RPGRIP1L: variants seen among roughly 807,000 people sequenced by gnomAD.
RPGRIP1L encodes protein fantom.
A neutral mutation model predicts 160.4 loss-of-function variants in RPGRIP1L; 131 were observed. That is an observed-to-expected ratio of 0.82 (90% confidence interval 0.71 to 0.94). The LOEUF is 0.94. RPGRIP1L is among the 40% of genes least tolerant of loss of function. RPGRIP1L has a pLI of 0.00. For synonymous variants in RPGRIP1L, 510 were observed against 515.8 expected, an observed-to-expected ratio of 0.99 and a Z score of 0.15; for missense variants, 1,522 against 1,535.8, an observed-to-expected ratio of 0.99 and a Z score of 0.15.
rs745815763 is a variant in RPGRIP1L at position 53,641,482 on chromosome 16, A to G, written c.2684-7T>C. 32 of 1,608,394 alleles carry G rather than the reference A, an allele frequency of 2.0e-5. No individual in the cohort carries two copies. The highest frequency in any genetic ancestry group is 2.7e-5 in the Non-Finnish European group (32 of 1,174,984). ...TCTGTTAACTCAAATATTCCTGTCA[A>G]ATTACAATAATTTTAATTAATGCTA... On this transcript the variant is annotated splice_polypyrimidine_tract_variant and splice_region_variant and intron_variant, in intron 17 of 26. Coordinates refer to ENST00000647211, the MANE Select transcript of RPGRIP1L (RefSeq NM_015272.5).
Position 53,601,960 on chromosome 16 carries a change from C to T in RPGRIP1L, c.*116G>A. ...CACTTCAAACCCAGGTCTCCCCGCT[C>T]CCAGCTTCCCATGAATTATAGATTA... On this transcript the variant is annotated 3_prime_UTR_variant, in exon 27 of 27. Transcript: ENST00000647211. 1.4e-6 allele frequency: 1 copy of T among 720,332 alleles called. No individual in the cohort carries two copies. The allele number at this position is 720,332 out of a possible 1,614,324, so 44.6% of individuals were successfully genotyped here.
At chr16:53,648,931 T>A (rs1468030432) in intron 16 of RPGRIP1L, 33 bp downstream of exon 16, 1 of 1,588,086 alleles carries the variant, frequency 6.3e-7, no homozygotes, top group African/African-American at 1.3e-5. Flanking sequence ...AATTTCTATG[T>A]CATAAAAGGG....
intron 20 of RPGRIP1L, 114 bp downstream of exon 20, chr16:53,638,196 A>T: frequency 1.4e-6 from 1 of 717,782 alleles, no homozygotes; most frequent in Admixed American, 2.2e-5. Flanking sequence ...CAAGGAAGTC[A>T]TATATAAAAA....
At chr16:53,666,694 A>C (rs765555229) in intron 9 of RPGRIP1L, among the ~76,000 whole-genome samples, 21 of 152,244 alleles carry the variant, frequency 1.4e-4, no homozygotes, top group Middle Eastern at 3.4e-3. Context: ...AAATAGGCAC[A>C]ACATACATTA....
intron 22 of RPGRIP1L, among the ~76,000 whole-genome samples, chr16:53,622,725 A>G (rs1476453105): frequency 6.6e-6 from 1 of 151,930 alleles, no homozygotes; most frequent in Non-Finnish European, 1.5e-5. Context: ...GGAGCCCAAG[A>G]GCCCAGGAGT....
chr16:53,692,830 A>C (rs1470781264), intron 3 of RPGRIP1L, among the ~76,000 whole-genome samples: 1 of 152,208 alleles, frequency 6.6e-6, no homozygotes, highest in Non-Finnish European at 1.5e-5. Flanking sequence ...ACACACTATA[A>C]ATATAAAAAT....
chr16:53,640,367 C>A (rs1966127757), intron 19 of RPGRIP1L, among the ~76,000 whole-genome samples: 1 of 152,010 alleles, frequency 6.6e-6, no homozygotes, highest in Admixed American at 6.6e-5. Context: ...GAGGTCTAGA[C>A]TAAAGATTAT....
In RPGRIP1L at chr16:53,638,431, AC is replaced by A; in HGVS notation, c.2959-21del. 2.4e-6 allele frequency: 3 copies of A among 1,238,856 alleles called. No homozygotes were observed. The highest frequency in any genetic ancestry group is 3.6e-6 in the Non-Finnish European group (3 of 838,300). The allele number at this position is 1,238,856 out of a possible 1,614,324, so 76.7% of individuals were successfully genotyped here. On this transcript the variant is annotated intron_variant, in intron 19 of 26. Transcript: ENST00000647211. Reference sequence around the variant, plus strand: ...AGTCTCCTTATATTAATGTGAAAACACGCATGTATGTCATTTTTTATTTATT... The same window carrying A: ...AGTCTCCTTATATTAATGTGAAAACAGCATGTATGTCATTTTTTATTTATT...
In RPGRIP1L at chr16:53,676,231, G is replaced by A. The variant is rs534040103; in HGVS notation, c.777-1109C>T. Among the ~76,000 whole-genome samples, 66 of 152,094 alleles carry A rather than the reference G, an allele frequency of 4.3e-4. No individual in the cohort carries two copies. In the South Asian group the frequency reaches 8.1e-3, roughly 19 times the overall value. ...GACAGTTAGTTGTCCTCACACAGAA[G>A]ATAAACAAAACCATGAATCCAAATT... On this transcript the variant is annotated intron_variant, in intron 6 of 26. Coordinates refer to ENST00000647211, the MANE Select transcript of RPGRIP1L (RefSeq NM_015272.5).
Position 53,652,637 on chromosome 16 carries a change from G to A in RPGRIP1L, c.2050C>T (p.Gln684Ter), listed in dbSNP as rs121918204. Residue 684 changes from glutamine (Q) to a stop codon, truncating the protein, a stop_gained, in exon 15 of 27, where the codon CAG (glutamine) becomes TAG (stop). Coordinates refer to ENST00000647211, the MANE Select transcript of RPGRIP1L (RefSeq NM_015272.5). LOFTEE classifies it high-confidence loss of function. ...GTTTCATATTCTGTGCTATAAGCCT[G>A]GTGGACCTCAAGGGTGATAGTATTC... ...QKNTITLEVHQAYSTEYETIA... is the reference protein window; with the variant it reads ...QKNTITLEVH The A allele has an allele frequency of 2.2e-5, 36 of 1,613,648 alleles. No individual in the cohort carries two copies. Among genetic ancestry groups the A allele is most frequent in the Non-Finnish European group, 2.7e-5 (32 of 1,179,730 alleles).
chr16:53,608,923 T>G (rs547524125), intron 25 of RPGRIP1L, among the ~76,000 whole-genome samples: 1 of 152,082 alleles, frequency 6.6e-6, no homozygotes, highest in East Asian at 1.9e-4. Context: ...GTTCGAGGAG[T>G]GCATGGCCAG....
chr16:53,677,111 T>C (rs989633881), intron 6 of RPGRIP1L, among the ~76,000 whole-genome samples: 5 of 152,304 alleles, frequency 3.3e-5, no homozygotes, highest in Admixed American at 6.5e-5. Flanking sequence ...AAACTTTCAG[T>C]GGTTTAATCG....
chr16:53,608,497 G>A (rs1269955258), intron 25 of RPGRIP1L, among the ~76,000 whole-genome samples: 1 of 152,112 alleles, frequency 6.6e-6, no homozygotes, highest in Non-Finnish European at 1.5e-5. Flanking sequence ...GTTAAACTAT[G>A]ACTTCAAATA....
chr16:53,686,002 T>C (rs1969981418), intron 6 of RPGRIP1L, among the ~76,000 whole-genome samples: 1 of 152,200 alleles, frequency 6.6e-6, no homozygotes, highest in Admixed American at 6.5e-5. Flanking sequence ...AGGGATCTTT[T>C]TGGGATTACA....
At chr16:53,619,332 T>C (rs964659292) in intron 23 of RPGRIP1L, 124 bp from the exon 24 acceptor site, 1 of 786,556 alleles carries the variant, frequency 1.3e-6, no homozygotes, top group Non-Finnish European at 2.1e-6. Context: ...TTTTCTTGAA[T>C]GCAATGTACA....
At chr16:53,640,958 G>T (rs1015182266) in intron 19 of RPGRIP1L, 75 bp downstream of exon 19, 14 of 1,001,236 alleles carry the variant, frequency 1.4e-5, no homozygotes, top group Non-Finnish European at 2.0e-5. Flanking sequence ...AATCAGGTAG[G>T]GAATAATATG....
intron 16 of RPGRIP1L, among the ~76,000 whole-genome samples, chr16:53,647,209 T>C (rs1207397168): frequency 6.6e-6 from 1 of 152,182 alleles, no homozygotes; most frequent in African/African-American, 2.4e-5. Flanking sequence ...CACTCTTTCT[T>C]AAGTTTGGGA....
intron 16 of RPGRIP1L, among the ~76,000 whole-genome samples, chr16:53,647,601 G>A (rs539536027): frequency 1.3e-5 from 2 of 152,314 alleles, no homozygotes; most frequent in East Asian, 3.9e-4. Flanking sequence ...CAAATCATTA[G>A]TTATAATAGG....
rs763109605 is a variant in RPGRIP1L, at chr16:53,657,444, T to C, written c.1581+9A>G. On this transcript the variant is annotated intron_variant, in intron 13 of 26. Coordinates refer to ENST00000647211, the MANE Select transcript of RPGRIP1L (RefSeq NM_015272.5). ...AAACTTACTTTCCCCATTTAGTGTA[T>C]TACATTACCTGATAATCTTTATTAA... is the stretch of plus-strand genomic sequence containing the variant. 2 of 1,576,102 alleles carry C rather than the reference T, an allele frequency of 1.3e-6. No individual in the cohort carries two copies. The highest frequency in any genetic ancestry group is 2.2e-5 in the South Asian group (2 of 89,994).
Sources: gnomAD v4.1 joint callset for allele counts (sites outside exome capture counted in the v4.1 genomes callset) on GRCh38, gnomAD v4.1.1 for gene constraint, MANE v1.5 for transcripts, NCBI Gene and HGNC (gene_info 2026-07-23, HGNC 2026-07-21) for gene names.